Variants in NALF1 observed in about 807,000 individuals in gnomAD.
NALF1 encodes the protein NALCN channel auxiliary factor 1, also known as family with sequence similarity 155 member A.
NALF1 carries 3 observed loss-of-function variants against 48.4 expected under a neutral mutation model. The ratio of observed to expected loss-of-function variants is 0.06; its 90% confidence interval spans 0.03 to 0.16. NALF1 has a LOEUF of 0.16. Among genes scored for constraint, NALF1 ranks in the 10% least tolerant of loss-of-function variants. NALF1 has a pLI of 1.00. For synonymous variants in NALF1, 262 were observed against 245.7 expected (o/e 1.07, Z -0.62); for missense variants, 526 against 571.5 (o/e 0.92, Z 0.81).
At position 107,647,465 on chromosome 13, in the gene NALF1, A is replaced by G. The variant is rs547999762; in HGVS notation, c.915+218217T>C. Among the ~76,000 whole-genome samples the G allele has an allele frequency of 1.5e-3, 231 of 150,022 alleles. 2 individuals carry two copies. Among genetic ancestry groups the G allele is most frequent in the African/African-American group, 5.1e-3 (212 of 41,174 alleles). Reference sequence around the variant, plus strand: ...TGCATGGTGTACTATGTTTTATCGAAAAAAAAAAAAAACTTAAACCTTCCC... The same window carrying G: ...TGCATGGTGTACTATGTTTTATCGAGAAAAAAAAAAAACTTAAACCTTCCC... On this transcript the variant is annotated intron_variant, in intron 1 of 2. Coordinates refer to ENST00000375915, the MANE Select transcript of NALF1 (RefSeq NM_001080396.3).
chr13:107,500,723 C>G (rs28706668), intron 1 of NALF1, among the ~76,000 whole-genome samples: 45,098 of 147,552 alleles, frequency 0.31, 7,362 homozygotes, highest in African/African-American at 0.38. Flanking sequence ...AACAATGATA[C>G]ACTGGATTAA....
At position 107,649,777 on chromosome 13, in the gene NALF1, A is replaced by G. The variant is rs139955358; in HGVS notation, c.915+215905T>C. 8.0e-3 allele frequency among the ~76,000 whole-genome samples: 1,222 copies of G among 152,300 alleles called. 18 individuals carry two copies. Among genetic ancestry groups the G allele is most frequent in the African/African-American group, 0.028 (1,179 of 41,570 alleles). On this transcript the variant is annotated intron_variant, in intron 1 of 2. Transcript: ENST00000375915. ...GATAGTACAGGGTATTCAACTTTGTATATAAGAGACTTTCTGTCTTTTAGG... is the reference window on the plus strand; with the variant it reads ...GATAGTACAGGGTATTCAACTTTGTGTATAAGAGACTTTCTGTCTTTTAGG...
In NALF1 at chr13:107,187,691, T is replaced by C. The variant is rs115326971; in HGVS notation, c.1088-16905A>G. Among the ~76,000 whole-genome samples the C allele has an allele frequency of 7.9e-3, 1,203 of 152,274 alleles. 19 individuals carry two copies. The highest frequency in any genetic ancestry group is 0.028 in the African/African-American group (1,147 of 41,544). On this transcript the variant is annotated intron_variant, in intron 2 of 2. Coordinates refer to ENST00000375915, the MANE Select transcript of NALF1 (RefSeq NM_001080396.3). The stretch of plus-strand genomic sequence containing the variant: ...CTTATCATTTTAATCTATCAGGTAA[T>C]TCCTGGCCCTTTTTGTTCTCTTTCT...
intron 1 of NALF1, among the ~76,000 whole-genome samples, chr13:107,437,931 G>T (rs905992767): frequency 4.6e-5 from 7 of 152,156 alleles, no homozygotes; most frequent in African/African-American, 1.7e-4. Flanking sequence ...GTATACTGAT[G>T]TCAGTTTGAA....
intron 1 of NALF1, among the ~76,000 whole-genome samples, chr13:107,541,238 G>C (rs1158276691): frequency 2.0e-5 from 3 of 152,100 alleles, no homozygotes; most frequent in African/African-American, 7.2e-5. Context: ...GATGAGGCTG[G>C]TTACTGGAGC....
At chr13:107,713,594 G>C (rs965079598) in intron 1 of NALF1, among the ~76,000 whole-genome samples, 3 of 152,076 alleles carry the variant, frequency 2.0e-5, no homozygotes, top group Non-Finnish European at 2.9e-5. Flanking sequence ...TTTAAGAGTG[G>C]ATTTTACAAA....
intron 1 of NALF1, among the ~76,000 whole-genome samples, chr13:107,272,188 C>A (rs1260422421): frequency 3.0e-5 from 2 of 67,362 alleles, no homozygotes; most frequent in African/African-American, 4.0e-5. Flanking sequence ...AATAAGCAGA[C>A]CTTAGAATTT....
At chr13:107,400,506 G>T (rs532775451) in intron 1 of NALF1, among the ~76,000 whole-genome samples, 15 of 151,970 alleles carry the variant, frequency 9.9e-5, no homozygotes, top group Admixed American at 3.9e-4. Flanking sequence ...ACAAGGTCAG[G>T]AGATCAAGAC....
At chr13:107,668,424 C>G (rs1191354951) in intron 1 of NALF1, among the ~76,000 whole-genome samples, 1 of 151,814 alleles carries the variant, frequency 6.6e-6, no homozygotes, top group Non-Finnish European at 1.5e-5. Context: ...CTGGTGGTGC[C>G]TCTTATCTTC....
intron 1 of NALF1, among the ~76,000 whole-genome samples, chr13:107,386,708 G>A (rs1883537052): frequency 6.6e-6 from 1 of 152,130 alleles, no homozygotes; most frequent in Non-Finnish European, 1.5e-5. Flanking sequence ...TCACAAATAT[G>A]GCCACAAATC....
At chr13:107,847,049 A>G (rs1254649907) in intron 1 of NALF1, among the ~76,000 whole-genome samples, 1 of 152,192 alleles carries the variant, frequency 6.6e-6, no homozygotes, top group Non-Finnish European at 1.5e-5. Flanking sequence ...AAATTAAAAA[A>G]AATTAAAGGC....
intron 1 of NALF1, among the ~76,000 whole-genome samples, chr13:107,527,995 T>C (rs1594111482): frequency 6.6e-6 from 1 of 152,178 alleles, no homozygotes; most frequent in Non-Finnish European, 1.5e-5. Flanking sequence ...GTTAGTTTAC[T>C]ACAAAGTAAT....
intron 1 of NALF1, among the ~76,000 whole-genome samples, chr13:107,635,215 C>A (rs1473642692): frequency 6.6e-6 from 1 of 152,002 alleles, no homozygotes; most frequent in East Asian, 1.9e-4. Flanking sequence ...TGAAGACATA[C>A]CTGAGACTGG....
At chr13:107,754,280 T>G (rs146565765) in intron 1 of NALF1, among the ~76,000 whole-genome samples, 181 of 152,126 alleles carry the variant, frequency 1.2e-3, no homozygotes, top group African/African-American at 4.0e-3. Context: ...TGATTTGATT[T>G]TAGTGGTCCA....
intron 2 of NALF1, among the ~76,000 whole-genome samples, chr13:107,195,153 T>G (rs1355131105): frequency 1.3e-5 from 2 of 152,014 alleles, no homozygotes; most frequent in Non-Finnish European, 2.9e-5. Flanking sequence ...TGTAAAAGAG[T>G]GTGGAGGTTC....
intron 1 of NALF1, among the ~76,000 whole-genome samples, chr13:107,564,939 T>C (rs560376707): frequency 1.5e-3 from 222 of 151,810 alleles, no homozygotes; most frequent in South Asian, 5.6e-3. Flanking sequence ...CCTCTACTAC[T>C]GGGACCACGT....
chr13:107,832,149 T>C (rs1879752296), intron 1 of NALF1, among the ~76,000 whole-genome samples: 1 of 152,206 alleles, frequency 6.6e-6, no homozygotes, highest in East Asian at 1.9e-4. Context: ...AAGCACTTTA[T>C]CCTAAATATT....
At chr13:107,316,057 C>G (rs1296133022) in intron 1 of NALF1, among the ~76,000 whole-genome samples, 1 of 151,996 alleles carries the variant, frequency 6.6e-6, no homozygotes, top group Non-Finnish European at 1.5e-5. Context: ...CTTCCCCCAC[C>G]CCACAACAGT....
chr13:107,556,350 T>TAG (rs778915739), intron 1 of NALF1, among the ~76,000 whole-genome samples: 145 of 146,870 alleles, frequency 9.9e-4, no homozygotes, highest in African/African-American at 2.4e-3. Context: ...TATATATATA[T>TAG]AGAGAGAGAG....
Sources: gnomAD v4.1 joint callset for allele counts (sites outside exome capture counted in the v4.1 genomes callset) on GRCh38, gnomAD v4.1.1 for gene constraint, MANE v1.5 for transcripts, NCBI Gene and HGNC (gene_info 2026-07-23, HGNC 2026-07-21) for gene names.